AP1AR: variants seen among roughly 807,000 people sequenced by gnomAD.
The protein encoded by AP1AR is AP-1 complex-associated regulatory protein.
Under a neutral mutation model 46.3 loss-of-function variants are expected in AP1AR, and 29 were observed. The ratio of observed to expected loss-of-function variants is 0.63; its 90% CI spans 0.47 to 0.85. AP1AR has a LOEUF of 0.85. Ranked by LOEUF, AP1AR falls within the 40% of genes least tolerant of loss-of-function variation. AP1AR has a pLI of 0.00. For missense variants in AP1AR, 357 were observed against 356.3 expected, an observed-to-expected ratio of 1.00 and a Z score of -0.02; for synonymous variants, 122 against 122.9, an observed-to-expected ratio of 0.99 and a Z score of 0.05.
chr4:112,244,236 G>C (rs537610388), intron 1 of AP1AR, among the ~76,000 whole-genome samples: 3 of 152,236 alleles, frequency 2.0e-5, no homozygotes, highest in African/African-American at 7.2e-5. Flanking sequence ...GAAATTTAGT[G>C]CATTTGTAGT....
chr4:112,267,001 C>CGTA (rs1726737881), intron 9 of AP1AR, among the ~76,000 whole-genome samples: 1 of 151,632 alleles, frequency 6.6e-6, no homozygotes, highest in African/African-American at 2.4e-5. Context: ...GGATTACTAC[C>CGTA]CCCTTGTGGA....
At position 112,265,357 on chromosome 4, in the gene AP1AR, G is replaced by A. The variant is rs1220537186; in HGVS notation, c.440+290G>A. 3 of 362,272 alleles carry A rather than the reference G, an allele frequency of 8.3e-6. No homozygotes were observed. In the Admixed American group the frequency reaches 1.3e-4, roughly 16 times the overall value. 22.4% of individuals were successfully genotyped at this position (362,272 alleles called of 1,614,324 possible). A position where few individuals can be genotyped will look rare whatever the true frequency, so the allele number is the denominator to read the frequency against. On this transcript the variant is annotated intron_variant, in intron 7 of 9. Coordinates refer to ENST00000274000, the MANE Select transcript of AP1AR (RefSeq NM_018569.6). Reference sequence around the variant, plus strand: ...TGAGTTGTTTATACCCCAGTTGTTTGTGTTTTCCTTAGTCCCTCTCTTTCT... The same window carrying A: ...TGAGTTGTTTATACCCCAGTTGTTTATGTTTTCCTTAGTCCCTCTCTTTCT...
At chr4:112,254,902 T>C in intron 3 of AP1AR, 129 bp downstream of exon 3, 1 of 475,248 alleles carries the variant, frequency 2.1e-6, no homozygotes, top group Non-Finnish European at 3.5e-6. Context: ...GTTTTTATTT[T>C]TACTTTTTAG....
At chr4:112,244,221 T>G (rs68036812) in intron 1 of AP1AR, among the ~76,000 whole-genome samples, 12,222 of 152,264 alleles carry the variant, frequency 0.08, 567 homozygotes, top group South Asian at 0.14. Flanking sequence ...TCTGCCTATT[T>G]ACTTGAAATT....
At chr4:112,232,278 G>A in intron 1 of AP1AR, 104 bp downstream of exon 1, 5 of 999,408 alleles carry the variant, frequency 5.0e-6, no homozygotes, top group Non-Finnish European at 6.5e-6. Flanking sequence ...TGGCGGTCGA[G>A]AGCCCTGCTA....
In AP1AR at chr4:112,270,199, T is replaced by TA. The variant is rs912377363; in HGVS notation, c.*1798dup. Among the ~76,000 whole-genome samples the TA allele has an allele frequency of 3.2e-4, 49 of 152,180 alleles. No individual in the cohort carries two copies. Among genetic ancestry groups the TA allele is most frequent in the African/African-American group, 1.1e-3 (46 of 41,536 alleles). ...GAACTAGAAAATGTGTTTTAACTGT[T>TA]AAAAAAAAGTTAACGTTTTGTTTTG... On this transcript the variant is annotated 3_prime_UTR_variant, in exon 10 of 10. Transcript: ENST00000274000.
In AP1AR at chr4:112,232,151, G is replaced by A; in HGVS notation, c.60G>A (p.Leu20=). The change falls in exon 1 of 10, where the codon CTG becomes CTA. Residue 20 remains leucine, a synonymous_variant. Transcript: ENST00000274000. ...FGLLRKEAGR[L]QRVGGGGGSK... ...TGCTTCGCAAGGAAGCGGGGCGGCT[G>A]CAGCGAGTAGGCGGCGGCGGAGGGT... 1.6e-6 allele frequency: 2 copies of A among 1,282,620 alleles called. No individual in the cohort carries two copies. The highest frequency in any genetic ancestry group is 5.4e-5 in the South Asian group (2 of 37,112). 79.5% of individuals were successfully genotyped at this position (1,282,620 alleles called of 1,614,324 possible).
At chr4:112,267,359 G>C (rs533111593) in intron 9 of AP1AR, among the ~76,000 whole-genome samples, 2 of 151,974 alleles carry the variant, frequency 1.3e-5, no homozygotes, top group African/African-American at 4.8e-5. Context: ...TTTCTGTCCT[G>C]TCTCCCTTCC....
chr4:112,265,600 G>T, intron 7 of AP1AR, 134 bp from the exon 8 acceptor site: 6 of 595,910 alleles, frequency 1.0e-5, no homozygotes, highest in South Asian at 6.7e-5. Flanking sequence ...TTTTCATTAG[G>T]TTATTCTAAT....
At chr4:112,254,812 T>G in intron 3 of AP1AR, 39 bp downstream of exon 3, 1 of 1,166,984 alleles carries the variant, frequency 8.6e-7, no homozygotes, top group Non-Finnish European at 1.2e-6. Context: ...TGTATTTGTT[T>G]TTCTCATTAA....
At chr4:112,232,396 C>T (rs1725052484) in intron 1 of AP1AR, among the ~76,000 whole-genome samples, 1 of 152,214 alleles carries the variant, frequency 6.6e-6, no homozygotes, top group Non-Finnish European at 1.5e-5. Context: ...CGGGGTGTCC[C>T]TCCTGCCAGG....
In AP1AR at chr4:112,258,244, CTT is replaced by C. The variant is rs148180109; in HGVS notation, c.185+449_185+450del. On this transcript the variant is annotated intron_variant, in intron 4 of 9. Coordinates refer to ENST00000274000, the MANE Select transcript of AP1AR (RefSeq NM_018569.6). Reference sequence around the variant, plus strand: ...AAATTGCATGTGTTACTTGAAGTATCTTTAAGTCAAAAGAGCATTCTTAATTT... The same window carrying C: ...AAATTGCATGTGTTACTTGAAGTATCTAAGTCAAAAGAGCATTCTTAATTT... Among the ~76,000 whole-genome samples, 1,425 of 152,266 alleles carry C rather than the reference CTT, an allele frequency of 9.4e-3. 19 individuals carry two copies. Among genetic ancestry groups the C allele is most frequent in the African/African-American group, 0.032 (1,333 of 41,546 alleles).
chr4:112,237,279 G>A (rs747163110), intron 1 of AP1AR, among the ~76,000 whole-genome samples: 7 of 151,942 alleles, frequency 4.6e-5, no homozygotes, highest in African/African-American at 1.2e-4. Context: ...GCTAATTTTT[G>A]TATTTTTTAG....
chr4:112,232,265 A>G lies in AP1AR; in HGVS notation c.83+91A>G. 3 of 1,150,336 alleles carry G rather than the reference A, an allele frequency of 2.6e-6. No homozygotes were observed. The Admixed American group carries it at 1.3e-4, about 49-fold the overall frequency. The allele number at this position is 1,150,336 out of a possible 1,614,324, so 71.3% of individuals were successfully genotyped here. On this transcript the variant is annotated intron_variant, in intron 1 of 9. Transcript: ENST00000274000. ...CCTTTCACCGTCCCCCGGCGGCTGG[A>G]GGTGGCGGTCGAGAGCCCTGCTACA...
intron 3 of AP1AR, among the ~76,000 whole-genome samples, chr4:112,256,514 G>C (rs1009067268): frequency 1.3e-5 from 2 of 152,162 alleles, no homozygotes; most frequent in Non-Finnish European, 2.9e-5. Context: ...TTGGTTGGCT[G>C]AGGATTTTTT....
rs1382334461 is a variant in AP1AR, at chr4:112,272,109, GA to G, written c.*3702del. On this transcript the variant is annotated 3_prime_UTR_variant, in exon 10 of 10. Coordinates refer to ENST00000274000, the MANE Select transcript of AP1AR (RefSeq NM_018569.6). ...GGATGGAAACTGGGGAGTTGGGGAT[GA>G]AGAATAAAGAACAGCTAATGCAGAC... Among the ~76,000 whole-genome samples the G allele has an allele frequency of 6.6e-6, 1 of 152,192 alleles. No homozygotes were observed. The highest frequency in any genetic ancestry group is 1.5e-5 in the Non-Finnish European group (1 of 68,030).
chr4:112,251,670 C>T (rs1308138512), intron 1 of AP1AR, among the ~76,000 whole-genome samples: 1 of 152,148 alleles, frequency 6.6e-6, no homozygotes, highest in Non-Finnish European at 1.5e-5. Context: ...TGCCAGAACC[C>T]AGTGCTACTA....
At position 112,265,068 on chromosome 4, in the gene AP1AR, G is replaced by T; in HGVS notation, c.440+1G>T. 6.3e-7 allele frequency: 1 copy of T among 1,598,560 alleles called. No individual in the cohort carries two copies. Among genetic ancestry groups the T allele is most frequent in the Non-Finnish European group, 8.5e-7 (1 of 1,174,342 alleles). On this transcript the variant is annotated splice_donor_variant, in intron 7 of 9. Coordinates refer to ENST00000274000, the MANE Select transcript of AP1AR (RefSeq NM_018569.6). LOFTEE classifies it high-confidence loss of function. The stretch of plus-strand genomic sequence containing the variant: ...CTTCCAACAATGGAGAATATCAAAG[G>T]TAAATAGTGAAACATATGCCTCCTT...
At chr4:112,248,553 T>C (rs1178568587) in intron 1 of AP1AR, among the ~76,000 whole-genome samples, 1 of 152,066 alleles carries the variant, frequency 6.6e-6, no homozygotes, top group Non-Finnish European at 1.5e-5. Flanking sequence ...TGAAACATGA[T>C]CAGGAAGTAG....
Sources: allele counts gnomAD v4.1 joint callset (sites outside exome capture counted in the v4.1 genomes callset), GRCh38; gene constraint gnomAD v4.1.1; transcripts MANE v1.5; gene names NCBI Gene and HGNC (gene_info 2026-07-23, HGNC 2026-07-21).